Variants in PDE8B observed in about 807,000 individuals in gnomAD.
The protein encoded by PDE8B is high affinity cAMP-specific and IBMX-insensitive 3',5'-cyclic phosphodiesterase 8B.
Under a neutral mutation model 101.3 loss-of-function variants are expected in PDE8B, and 26 were observed. The ratio of observed to expected loss-of-function variants is 0.26; its 90% CI spans 0.19 to 0.36. PDE8B has a LOEUF of 0.36. Among genes scored for constraint, PDE8B ranks in the 10% least tolerant of loss-of-function variants. The pLI is 1.00. For synonymous variants in PDE8B, 424 were observed against 429.3 expected, an observed-to-expected ratio of 0.99 and a Z score of 0.15; for missense variants, 810 against 1,163.1, an observed-to-expected ratio of 0.70 and a Z score of 4.42.
chr5:77,352,326 A>G (rs1377663521), intron 9 of PDE8B, among the ~76,000 whole-genome samples: 3 of 152,228 alleles, frequency 2.0e-5, no homozygotes, highest in African/African-American at 7.2e-5. Context: ...AGAAAATCAA[A>G]GCTAAGAATC....
rs759727478 is a variant in PDE8B, at chr5:77,312,013, T to C, written c.359T>C (p.Val120Ala). 2 of 1,613,628 alleles carry C rather than the reference T, an allele frequency of 1.2e-6. No individual in the cohort carries two copies. The highest frequency in any genetic ancestry group is 1.7e-6 in the Non-Finnish European group (2 of 1,179,744). The change falls in exon 2 of 22, where the codon GTG becomes GCG. Residue 120 changes from valine to alanine, a missense_variant. Transcript: ENST00000264917. ...ATTTAGCAGGTGTCTTCTGCGGAGGTGCGCATCGGGCCCATGAGACTGACG... is the reference window on the plus strand; with the variant it reads ...ATTTAGCAGGTGTCTTCTGCGGAGGCGCGCATCGGGCCCATGAGACTGACG... The part of the protein sequence containing the change: ...TSVKQVSSAE[V>A]RIGPMRLTQD...
At chr5:77,108,098 C>T in the PDE8B span, among the ~76,000 whole-genome samples, 1 of 152,186 alleles carries the variant, frequency 6.6e-6, no homozygotes, top group African/African-American at 2.4e-5. Flanking sequence ...ACAGTTATAG[C>T]ACTGGGATTG....
chr5:77,093,666 G>T, the PDE8B span, among the ~76,000 whole-genome samples: 1 of 152,220 alleles, frequency 6.6e-6, no homozygotes, highest in Admixed American at 6.5e-5. Flanking sequence ...CAAACAAGAT[G>T]AATCCCTGTG....
chr5:77,313,353 C>CAG (rs894621661), intron 2 of PDE8B, among the ~76,000 whole-genome samples: 3 of 148,622 alleles, frequency 2.0e-5, no homozygotes, highest in African/African-American at 2.5e-5. Context: ...AATTTAGGAA[C>CAG]AGAGAGAGAG....
chr5:77,179,780 C>T, the PDE8B span, among the ~76,000 whole-genome samples: 2 of 152,100 alleles, frequency 1.3e-5, no homozygotes, highest in Non-Finnish European at 1.5e-5. Flanking sequence ...AGGCTGGTCT[C>T]GAATTCCTGG....
the PDE8B span, among the ~76,000 whole-genome samples, chr5:77,152,932 G>T: frequency 6.6e-6 from 1 of 152,218 alleles, no homozygotes; most frequent in African/African-American, 2.4e-5. Context: ...GTGCCTACAC[G>T]TCTGAGTCCC....
chr5:77,243,397 T>C (rs1756181231), intron 1 of PDE8B, among the ~76,000 whole-genome samples: 1 of 152,224 alleles, frequency 6.6e-6, no homozygotes, highest in Non-Finnish European at 1.5e-5. Context: ...AATTAAAGTG[T>C]ATAGTTTCAT....
At chr5:77,204,407 T>C in the PDE8B span, among the ~76,000 whole-genome samples, 3 of 128,752 alleles carry the variant, frequency 2.3e-5, no homozygotes, top group East Asian at 2.6e-4. Context: ...TGAGACTCTG[T>C]CTCAAAAAAA....
At position 77,353,458 on chromosome 5, in the gene PDE8B, T is replaced by C. The variant is rs764849606; in HGVS notation, c.1167+52T>C. ...TCTGTCTGTTTGGCCATGCGTCACC[T>C]CTGTTCTCTGCTTATCTCACCACTG... On this transcript the variant is annotated intron_variant, in intron 10 of 21. Coordinates refer to ENST00000264917, the MANE Select transcript of PDE8B (RefSeq NM_003719.5). 7 of 972,612 alleles carry C rather than the reference T, an allele frequency of 7.2e-6. No individual in the cohort carries two copies. The South Asian group carries it at 9.0e-5, about 12-fold the overall frequency. The allele number at this position is 972,612 out of a possible 1,614,324, so 60.2% of individuals were successfully genotyped here.
intron 10 of PDE8B, among the ~76,000 whole-genome samples, chr5:77,386,589 A>G (rs755199098): frequency 4.6e-5 from 7 of 152,182 alleles, no homozygotes; most frequent in Non-Finnish European, 1.0e-4. Context: ...ATCAGAGACT[A>G]GGATTGCAAC....
intron 1 of PDE8B, chr5:77,291,620 C>T (rs1383912123): frequency 1.3e-6 from 2 of 1,597,160 alleles, no homozygotes; most frequent in East Asian, 2.2e-5. Context: ...CAGACTGTGG[C>T]ACTGTAAATG....
At chr5:77,228,482 A>T (rs1752899497) in intron 1 of PDE8B, among the ~76,000 whole-genome samples, 1 of 152,158 alleles carries the variant, frequency 6.6e-6, no homozygotes, top group Admixed American at 6.5e-5. Context: ...TGGCTTCTCC[A>T]ATAATGCAGT....
chr5:77,225,589 A>G (rs922296255), intron 1 of PDE8B, among the ~76,000 whole-genome samples: 4 of 152,124 alleles, frequency 2.6e-5, no homozygotes, highest in Non-Finnish European at 4.4e-5. Context: ...ATTTAGAGGT[A>G]TGATCTCGGG....
At chr5:77,108,038 A>C in the PDE8B span, among the ~76,000 whole-genome samples, 1 of 152,080 alleles carries the variant, frequency 6.6e-6, no homozygotes, top group Non-Finnish European at 1.5e-5. Flanking sequence ...TTGTGCCTCC[A>C]ACTCCTGGGA....
rs116383811 is a variant in PDE8B at position 77,408,910 on chromosome 5, T to C, written c.1383T>C (p.Asn461=). ...TCCGTTAGGTTATAAATATAATCAA[T>C]GCAGCCCAAGAAAACAGCCCAGTCA... ...APITKVINII[N]AAQENSPVTV... is the part of the protein sequence containing the mutation. Residue 461 remains asparagine (N), a synonymous_variant, in exon 14 of 22, where the codon AAT becomes AAC. Transcript: ENST00000264917. The C allele has an allele frequency of 3.3e-4, 535 of 1,613,382 alleles. 6 individuals are homozygous for C. The African/African-American group carries it at 6.6e-3, about 20-fold the overall frequency.
At chr5:77,418,975 G>C (rs773141776) in intron 18 of PDE8B, among the ~76,000 whole-genome samples, 1 of 152,158 alleles carries the variant, frequency 6.6e-6, no homozygotes, top group Non-Finnish European at 1.5e-5. Context: ...GCACCAGCCA[G>C]GCTGGTGCAC....
intron 1 of PDE8B, among the ~76,000 whole-genome samples, chr5:77,249,545 A>C (rs1272343799): frequency 2.6e-5 from 4 of 152,224 alleles, no homozygotes; most frequent in Non-Finnish European, 5.9e-5. Context: ...CTGTAACCCA[A>C]GGAGAAATCA....
At chr5:77,415,573 C>G (rs140673176) in intron 17 of PDE8B, among the ~76,000 whole-genome samples, 23,684 of 151,716 alleles carry the variant, frequency 0.16, 2,361 homozygotes, top group East Asian at 0.39. Context: ...TGGTCAGGCT[C>G]ATCTCGAACT....
intron 3 of PDE8B, among the ~76,000 whole-genome samples, chr5:77,326,703 T>C (rs2150244446): frequency 6.6e-6 from 1 of 152,284 alleles, no homozygotes; most frequent in East Asian, 1.9e-4. Context: ...ATAAAATATC[T>C]GGATGCTATT....
Sources: allele counts gnomAD v4.1 joint callset (sites outside exome capture counted in the v4.1 genomes callset), GRCh38; gene constraint gnomAD v4.1.1; transcripts MANE v1.5; gene names NCBI Gene and HGNC (gene_info 2026-07-23, HGNC 2026-07-21).